Variants in AP1AR observed in about 807,000 individuals in gnomAD.
AP1AR encodes the protein adaptor related protein complex 1 associated regulatory protein.
AP1AR carries 29 observed loss-of-function variants against 46.3 expected under a neutral mutation model. That is an observed-to-expected ratio of 0.63 (90% CI 0.47 to 0.85). AP1AR has a LOEUF of 0.85. Among genes scored for constraint, AP1AR ranks in the 40% least tolerant of loss-of-function variants. The pLI is 0.00. For missense variants in AP1AR, 357 were observed against 356.3 expected, an observed-to-expected ratio of 1.00 and a Z score of -0.02; for synonymous variants, 122 against 122.9, an observed-to-expected ratio of 0.99 and a Z score of 0.05.
At chr4:112,250,890 A>T (rs1475839637) in intron 1 of AP1AR, among the ~76,000 whole-genome samples, 1 of 152,072 alleles carries the variant, frequency 6.6e-6, no homozygotes, top group Admixed American at 6.6e-5. Context: ...CTCCCTTGTC[A>T]TATCACTTAT....
rs1385838208 is a variant in AP1AR, at chr4:112,271,225, T to C, written c.*2816T>C. 6.6e-6 allele frequency among the ~76,000 whole-genome samples: 1 copy of C among 152,222 alleles called. No homozygotes were observed. Among genetic ancestry groups the C allele is most frequent in the Non-Finnish European group, 1.5e-5 (1 of 68,036 alleles). ...CCTCTCTGGATCCTCCATGGCAAGA[T>C]AGGCCATCGTAAAGGAGCTGTCAAA... On this transcript the variant is annotated 3_prime_UTR_variant, in exon 10 of 10. Coordinates refer to ENST00000274000, the MANE Select transcript of AP1AR (RefSeq NM_018569.6).
At chr4:112,237,314 G>A (rs1725286004) in intron 1 of AP1AR, among the ~76,000 whole-genome samples, 1 of 151,920 alleles carries the variant, frequency 6.6e-6, no homozygotes, top group African/African-American at 2.4e-5. Flanking sequence ...CGCCATGTTG[G>A]CCAGGCTGGT....
At chr4:112,251,657 T>A (rs1432325425) in intron 1 of AP1AR, among the ~76,000 whole-genome samples, 1 of 152,222 alleles carries the variant, frequency 6.6e-6, no homozygotes, top group Non-Finnish European at 1.5e-5. Context: ...GCAGGAATCC[T>A]AATGCCAGAA....
intron 1 of AP1AR, among the ~76,000 whole-genome samples, chr4:112,249,273 A>G (rs1725850592): frequency 6.6e-6 from 1 of 151,916 alleles, no homozygotes; most frequent in Admixed American, 6.6e-5. Context: ...CCTGGGCAAC[A>G]AGAGCAAAAC....
At chr4:112,243,947 A>G (rs982848571) in intron 1 of AP1AR, among the ~76,000 whole-genome samples, 5 of 152,198 alleles carry the variant, frequency 3.3e-5, no homozygotes, top group Non-Finnish European at 7.4e-5. Context: ...AACTCTTGGT[A>G]TTGTCAGATA....
intron 1 of AP1AR, among the ~76,000 whole-genome samples, chr4:112,234,704 G>T: frequency 6.7e-6 from 1 of 150,172 alleles, no homozygotes. Context: ...TTCAAGTATA[G>T]GTCTGGATAG....
intron 6 of AP1AR, among the ~76,000 whole-genome samples, chr4:112,263,992 C>A (rs1726564653): frequency 6.6e-6 from 1 of 152,152 alleles, no homozygotes; most frequent in Admixed American, 6.5e-5. Flanking sequence ...CATTGTAAAA[C>A]TTAGAGAAAC....
intron 1 of AP1AR, among the ~76,000 whole-genome samples, chr4:112,240,007 A>G (rs888720218): frequency 6.6e-6 from 1 of 152,244 alleles, no homozygotes; most frequent in African/African-American, 2.4e-5. Context: ...AAGTGATCTT[A>G]AATGCACATC....
At chr4:112,244,196 G>A (rs1178701442) in intron 1 of AP1AR, among the ~76,000 whole-genome samples, 1 of 152,150 alleles carries the variant, frequency 6.6e-6, no homozygotes, top group Non-Finnish European at 1.5e-5. Context: ...AAGACTCACT[G>A]TGCTTAAGAT....
intron 3 of AP1AR, among the ~76,000 whole-genome samples, chr4:112,256,689 T>C (rs1726213255): frequency 6.6e-6 from 1 of 152,232 alleles, no homozygotes; most frequent in South Asian, 2.1e-4. Flanking sequence ...TTATGAATAG[T>C]TTAAATGTGT....
rs1034718136 is a variant in AP1AR, at chr4:112,231,941, C to T, written c.-151C>T. On this transcript the variant is annotated 5_prime_UTR_variant, in exon 1 of 10. Transcript: ENST00000274000. Reference sequence around the variant, plus strand: ...TTCCCTAGCGCCTCGTCTTTCGTCGCCCCGTGCCCTCACGCCGCCGGGCTC... The same window carrying T: ...TTCCCTAGCGCCTCGTCTTTCGTCGTCCCGTGCCCTCACGCCGCCGGGCTC... 4 of 577,996 alleles carry T rather than the reference C, an allele frequency of 6.9e-6. No individual in the cohort carries two copies. The highest frequency in any genetic ancestry group is 1.0e-5 in the Non-Finnish European group (4 of 381,796). 35.8% of individuals were successfully genotyped at this position (577,996 alleles called of 1,614,324 possible).
intron 1 of AP1AR, among the ~76,000 whole-genome samples, chr4:112,233,051 T>C (rs1180538151): frequency 1.3e-5 from 2 of 152,242 alleles, no homozygotes; most frequent in Non-Finnish European, 1.5e-5. Flanking sequence ...AATTCAAACC[T>C]AGAATTGAAA....
At chr4:112,244,701 A>G (rs1725649144) in intron 1 of AP1AR, among the ~76,000 whole-genome samples, 1 of 152,050 alleles carries the variant, frequency 6.6e-6, no homozygotes, top group African/African-American at 2.4e-5. Flanking sequence ...TTGCCCAAAG[A>G]TGGGTGAAGG....
chr4:112,263,154 T>C (rs910614734), intron 6 of AP1AR, 68 bp downstream of exon 6: 5 of 1,228,326 alleles, frequency 4.1e-6, no homozygotes, highest in Non-Finnish European at 5.8e-6. Flanking sequence ...CAAATCTTAG[T>C]TGGGACTCTT....
Position 112,268,248 on chromosome 4 carries a change from T to C in AP1AR, c.748T>C (p.Ser250Pro). 6.2e-7 allele frequency: 1 copy of C among 1,613,144 alleles called. No homozygotes were observed. The highest frequency in any genetic ancestry group is 2.2e-5 in the East Asian group (1 of 44,856). ...SNKKTGSNPT[S>P]ASDDSNGLEW... Reference sequence around the variant, plus strand: ...CAAGAAGACTGGAAGTAATCCTACATCAGCCTCTGATGATTCCAATGGGCT... The same window carrying C: ...CAAGAAGACTGGAAGTAATCCTACACCAGCCTCTGATGATTCCAATGGGCT... The change falls in exon 10 of 10, where the codon TCA (serine) becomes CCA (proline). Residue 250 changes from serine (S) to proline (P), a missense_variant. Physicochemically the swap from Ser to Pro is moderately conservative, Grantham distance 74. Transcript: ENST00000274000.
In AP1AR at chr4:112,236,054, T is replaced by C. The variant is rs138412950; in HGVS notation, c.83+3880T>C. Among the ~76,000 whole-genome samples, 310 of 152,060 alleles carry C rather than the reference T, an allele frequency of 2.0e-3. 2 individuals carry two copies. The highest frequency in any genetic ancestry group is 7.2e-3 in the African/African-American group (301 of 41,518). The stretch of plus-strand genomic sequence containing the variant: ...GAAGAAATTTTACCCATTCCTATGA[T>C]TTCAACCACCACTACTTCCAAATCT... On this transcript the variant is annotated intron_variant, in intron 1 of 9. Transcript: ENST00000274000.
chr4:112,243,103 G>T (rs1414313306), intron 1 of AP1AR, among the ~76,000 whole-genome samples: 1 of 152,068 alleles, frequency 6.6e-6, no homozygotes, highest in Non-Finnish European at 1.5e-5. Context: ...TTCCTCCAGG[G>T]CATGTGACTG....
Position 112,271,097 on chromosome 4 carries a change from C to T in AP1AR, c.*2688C>T, listed in dbSNP as rs560154964. 6.6e-6 allele frequency among the ~76,000 whole-genome samples: 1 copy of T among 152,124 alleles called. No homozygotes were observed. Among genetic ancestry groups the T allele is most frequent in the African/African-American group, 2.4e-5 (1 of 41,434 alleles). ...GAATCAGATACTACTGTAGGGGTAA[C>T]ACATCTGGCATGGTGCCGTGGCTAC... is the stretch of plus-strand genomic sequence containing the variant. On this transcript the variant is annotated 3_prime_UTR_variant, in exon 10 of 10. Coordinates refer to ENST00000274000, the MANE Select transcript of AP1AR (RefSeq NM_018569.6).
intron 1 of AP1AR, 35 bp downstream of exon 1, chr4:112,232,209 G>T (rs1259985502): frequency 1.6e-6 from 2 of 1,262,432 alleles, no homozygotes; most frequent in East Asian, 3.1e-5. Context: ...GGCCCCCGTG[G>T]CTCCTCCTCT....
Sources: allele counts gnomAD v4.1 joint callset (sites outside exome capture counted in the v4.1 genomes callset), GRCh38; gene constraint gnomAD v4.1.1; transcripts MANE v1.5; gene names NCBI Gene and HGNC (gene_info 2026-07-23, HGNC 2026-07-21).